The following ATP6V1H variants were observed in gnomAD, a reference collection of about 807,000 sequenced individuals.
The protein encoded by ATP6V1H is V-type proton ATPase subunit H.
In ATP6V1H, 39 loss-of-function variants were observed where a neutral mutation model predicts 71.7. That is an observed-to-expected ratio of 0.54 (90% CI 0.42 to 0.71). ATP6V1H has a LOEUF of 0.71. Among genes scored for constraint, ATP6V1H ranks in the 30% least tolerant of loss-of-function variants. ATP6V1H has a pLI of 0.00. For synonymous variants in ATP6V1H, 192 were observed against 199.3 expected (o/e 0.96, Z 0.31); for missense variants, 509 against 594.9 (o/e 0.86, Z 1.50).
At position 53,834,424 on chromosome 8, in the gene ATP6V1H, GT is replaced by G. The variant is rs570431444; in HGVS notation, c.114-1339del. Among the ~76,000 whole-genome samples, 21 of 152,038 alleles carry G rather than the reference GT, an allele frequency of 1.4e-4. No individual in the cohort carries two copies. In the South Asian group the frequency reaches 3.3e-3, roughly 24 times the overall value. On this transcript the variant is annotated intron_variant, in intron 2 of 13. Coordinates refer to ENST00000359530, the MANE Select transcript of ATP6V1H (RefSeq NM_015941.4). ...AAACAACACCAATATAGTTTTTTTGGTTTTTTGTTTGTTTGTTTTTGAGACA... is the reference window on the plus strand; with the variant it reads ...AAACAACACCAATATAGTTTTTTTGGTTTTTGTTTGTTTGTTTTTGAGACA...
chr8:53,784,458 T>C lies in ATP6V1H; in HGVS notation c.870+11189A>G, dbSNP rs1179632483. Among the ~76,000 whole-genome samples, 3 of 152,188 alleles carry C rather than the reference T, an allele frequency of 2.0e-5. No homozygotes were observed. The East Asian group carries it at 5.8e-4, about 29-fold the overall frequency. On this transcript the variant is annotated intron_variant, in intron 9 of 13. Transcript: ENST00000359530. ...CTGCACGTGAGATGGGTTTCCTGAA[T>C]ACAGCACACTGATGGGTCTTGACTC...
chr8:53,716,089 G>A, intron 13 of ATP6V1H, 65 bp from the exon 14 acceptor site: 2 of 1,316,720 alleles, frequency 1.5e-6, no homozygotes, highest in Admixed American at 2.0e-5. Flanking sequence ...TTCCAAAATT[G>A]AAACACATTA....
intron 4 of ATP6V1H, among the ~76,000 whole-genome samples, chr8:53,828,153 A>G (rs746924705): frequency 3.3e-5 from 5 of 152,156 alleles, no homozygotes; most frequent in Non-Finnish European, 7.3e-5. Flanking sequence ...GTCAAATGGT[A>G]GTTCTGTTTT....
intron 8 of ATP6V1H, among the ~76,000 whole-genome samples, chr8:53,799,045 A>T (rs1238988762): frequency 6.6e-6 from 1 of 152,160 alleles, no homozygotes; most frequent in African/African-American, 2.4e-5. Flanking sequence ...AGAGATTGCT[A>T]TTTCATGACT....
intron 4 of ATP6V1H, among the ~76,000 whole-genome samples, chr8:53,821,674 G>A (rs1810667857): frequency 6.6e-6 from 1 of 151,876 alleles, no homozygotes; most frequent in Admixed American, 6.6e-5. Flanking sequence ...GCAACAAAGT[G>A]AGACCATGCA....
chr8:53,785,610 T>A (rs1809350334), intron 9 of ATP6V1H, among the ~76,000 whole-genome samples: 1 of 152,160 alleles, frequency 6.6e-6, no homozygotes, highest in Admixed American at 6.5e-5. Flanking sequence ...GGAGGAGAGG[T>A]GCTCTGAGTT....
At chr8:53,775,468 C>T (rs1057432300) in intron 9 of ATP6V1H, among the ~76,000 whole-genome samples, 9 of 152,202 alleles carry the variant, frequency 5.9e-5, no homozygotes, top group Admixed American at 2.6e-4. Context: ...TGACAGGGCG[C>T]TGATTGGTGG....
At chr8:53,727,354 C>G (rs1806848336) in intron 13 of ATP6V1H, among the ~76,000 whole-genome samples, 1 of 152,214 alleles carries the variant, frequency 6.6e-6, no homozygotes, top group African/African-American at 2.4e-5. Flanking sequence ...GCACATGTTC[C>G]TGGTTTTCAC....
intron 4 of ATP6V1H, among the ~76,000 whole-genome samples, chr8:53,818,803 T>G (rs1419962390): frequency 6.6e-6 from 1 of 152,122 alleles, no homozygotes; most frequent in East Asian, 1.9e-4. Flanking sequence ...GATGAAATGA[T>G]AGGATTAAAA....
chr8:53,721,419 A>G (rs1414117561), intron 13 of ATP6V1H, among the ~76,000 whole-genome samples: 1 of 152,206 alleles, frequency 6.6e-6, no homozygotes, highest in African/African-American at 2.4e-5. Context: ...CAGTATTTTT[A>G]TGTCAGCCTA....
intron 13 of ATP6V1H, among the ~76,000 whole-genome samples, chr8:53,738,129 C>T (rs961815708): frequency 6.6e-6 from 1 of 152,062 alleles, no homozygotes; most frequent in Non-Finnish European, 1.5e-5. Context: ...TGTTTCATCT[C>T]TACTAAAAAT....
At chr8:53,728,162 T>A (rs1191113872) in intron 13 of ATP6V1H, among the ~76,000 whole-genome samples, 1 of 152,156 alleles carries the variant, frequency 6.6e-6, no homozygotes, top group African/African-American at 2.4e-5. Context: ...TCTAATTGCT[T>A]CCATTATTCC....
At chr8:53,808,517 C>T (rs893466550) in intron 7 of ATP6V1H, among the ~76,000 whole-genome samples, 1 of 152,170 alleles carries the variant, frequency 6.6e-6, no homozygotes. Context: ...CCTATAATCC[C>T]AACACTTTGG....
chr8:53,802,330 G>A lies in ATP6V1H; in HGVS notation c.580-434C>T, dbSNP rs183575158. ...CTTCAAGATAGGCCTATATGTAAAT[G>A]ACCGTGGACAAGTTCCTGAACTTTT... On this transcript the variant is annotated intron_variant, in intron 7 of 13. Coordinates refer to ENST00000359530, the MANE Select transcript of ATP6V1H (RefSeq NM_015941.4). Among the ~76,000 whole-genome samples the A allele has an allele frequency of 2.0e-3, 304 of 152,288 alleles. 1 individual carries two copies. Among genetic ancestry groups the A allele is most frequent in the Non-Finnish European group, 3.1e-3 (212 of 68,026 alleles).
chr8:53,783,622 A>T, intron 9 of ATP6V1H, among the ~76,000 whole-genome samples: 1 of 151,860 alleles, frequency 6.6e-6, no homozygotes, highest in Non-Finnish European at 1.5e-5. Context: ...TAGTTCTTTT[A>T]ATTGTGTTGT....
At chr8:53,724,109 C>G (rs1479095748) in intron 13 of ATP6V1H, among the ~76,000 whole-genome samples, 2 of 152,056 alleles carry the variant, frequency 1.3e-5, no homozygotes, top group Non-Finnish European at 2.9e-5. Context: ...CTGGGCAATG[C>G]CTATGCCATC....
At chr8:53,797,141 C>G (rs961272532) in intron 8 of ATP6V1H, among the ~76,000 whole-genome samples, 1 of 152,204 alleles carries the variant, frequency 6.6e-6, no homozygotes, top group Non-Finnish European at 1.5e-5. Context: ...TTAAGCCAAG[C>G]CTTCTGCACT....
chr8:53,785,129 G>A (rs1180493389), intron 9 of ATP6V1H, among the ~76,000 whole-genome samples: 1 of 152,308 alleles, frequency 6.6e-6, no homozygotes, highest in East Asian at 1.9e-4. Context: ...ATCCTGCAGA[G>A]TGTTTTCCAA....
At chr8:53,793,268 G>C (rs996625285) in intron 9 of ATP6V1H, among the ~76,000 whole-genome samples, 1 of 152,172 alleles carries the variant, frequency 6.6e-6, no homozygotes, top group Non-Finnish European at 1.5e-5. Context: ...ATAGTGAGCA[G>C]AAAAATATGC....
Sources: allele counts gnomAD v4.1 joint callset (sites outside exome capture counted in the v4.1 genomes callset), GRCh38; gene constraint gnomAD v4.1.1; transcripts MANE v1.5; gene names NCBI Gene and HGNC (gene_info 2026-07-23, HGNC 2026-07-21).